Variants in ING5 observed in about 807,000 individuals in gnomAD.
The protein encoded by ING5 is inhibitor of growth protein 5.
In ING5, 17 loss-of-function variants were observed where a neutral mutation model predicts 37.4. That is an observed-to-expected ratio of 0.45 (90% confidence interval 0.31 to 0.68). ING5 has a LOEUF of 0.68. ING5 is among the 30% of genes least tolerant of loss of function. The pLI, the probability that ING5 is intolerant of heterozygous loss-of-function variation, is 0.05. For missense variants in ING5, 233 were observed against 311.9 expected (o/e 0.75, Z 1.91); for synonymous variants, 123 against 116.6 (o/e 1.06, Z -0.36).
At chr2:241,724,009 CAAATA>C in intron 7 of ING5, 1 of 1,359,302 alleles carries the variant, frequency 7.4e-7, no homozygotes, top group Non-Finnish European at 9.6e-7. Context: ...GACCCTGTCT[CAAATA>C]AATAAATAAA....
At chr2:241,711,614 T>C (rs1009100316) in intron 4 of ING5, 126 bp downstream of exon 4, 2 of 744,080 alleles carry the variant, frequency 2.7e-6, no homozygotes, top group Non-Finnish European at 4.3e-6. Flanking sequence ...AAACCTTGTC[T>C]TGCAGGCTGG....
At chr2:241,689,068 T>A (rs1014035695) in intron 1 of ING5, among the ~76,000 whole-genome samples, 15 of 152,254 alleles carry the variant, frequency 9.9e-5, no homozygotes, top group African/African-American at 3.4e-4. Flanking sequence ...CCCAAAGTGC[T>A]GAGATTACAG....
intron 2 of ING5, among the ~76,000 whole-genome samples, chr2:241,695,338 G>A (rs1036196463): frequency 6.6e-6 from 1 of 151,970 alleles, no homozygotes; most frequent in African/African-American, 2.4e-5. Context: ...CTGTCACACT[G>A]GACAGGACAG....
rs576359707 is a variant in ING5, at chr2:241,713,392, A to T, written c.482+1321A>T. Reference sequence around the variant, plus strand: ...GTTTTTTTTTTTTTTTTTTTTTGAGATGGAGTCTTGCTCTGTCCCTCAGGC... The same window carrying T: ...GTTTTTTTTTTTTTTTTTTTTTGAGTTGGAGTCTTGCTCTGTCCCTCAGGC... On this transcript the variant is annotated intron_variant, in intron 5 of 7. Transcript: ENST00000313552. Among the ~76,000 whole-genome samples the T allele has an allele frequency of 1.9e-4, 16 of 83,626 alleles. No individual in the cohort carries two copies. In the South Asian group the frequency reaches 4.9e-3, roughly 26 times the overall value. 54.9% of individuals were successfully genotyped at this position (83,626 alleles called of 152,430 possible). A position where few individuals can be genotyped will look rare whatever the true frequency, so the allele number is the denominator to read the frequency against.
intron 2 of ING5, among the ~76,000 whole-genome samples, chr2:241,696,674 A>G (rs2069634592): frequency 6.6e-6 from 1 of 152,012 alleles, no homozygotes; most frequent in Non-Finnish European, 1.5e-5. Flanking sequence ...GTAGTCCCAG[A>G]TATTGAGGGC....
intron 1 of ING5, among the ~76,000 whole-genome samples, 193 bp downstream of exon 1, chr2:241,702,295 G>T (rs1047673056): frequency 6.7e-6 from 1 of 149,142 alleles, no homozygotes; most frequent in South Asian, 2.1e-4. Context: ...GGGCGGGCGC[G>T]GGGGGTCCCG....
intron 2 of ING5, 131 bp downstream of exon 2, chr2:241,704,855 G>T: frequency 1.4e-6 from 1 of 731,486 alleles, no homozygotes; most frequent in Non-Finnish European, 2.5e-6. Flanking sequence ...CCTGGGCCGT[G>T]GGTATCACTC....
At chr2:241,689,762 A>G (rs926976191) in intron 1 of ING5, 1 of 152,250 alleles carries the variant, frequency 6.6e-6, no homozygotes, top group Admixed American at 6.5e-5. Context: ...ATTCCCTTAC[A>G]TAGATAAGTA....
upstream of ING5, among the ~76,000 whole-genome samples, chr2:241,701,269 A>G (rs1048622203): frequency 2.0e-5 from 3 of 152,184 alleles, no homozygotes; most frequent in Admixed American, 2.0e-4. Context: ...GGCCTTCTCC[A>G]GTATTTTTGC....
At chr2:241,721,575 G>T in intron 5 of ING5, 1 of 985,438 alleles carries the variant, frequency 1.0e-6, no homozygotes, top group Non-Finnish European at 1.2e-6. Flanking sequence ...TTCCCTCTGG[G>T]ACCCAGACTT....
At chr2:241,687,263 C>T in exon 1 of ING5, 1 of 398,106 alleles carries the variant, frequency 2.5e-6, no homozygotes. Context: ...GCTCCGGTCA[C>T]GCGGCGCGCG....
chr2:241,700,515 G>T (rs575687648), upstream of ING5, among the ~76,000 whole-genome samples: 1 of 151,686 alleles, frequency 6.6e-6, no homozygotes, highest in East Asian at 1.9e-4. Flanking sequence ...GAGTGCAGTG[G>T]TGCAATCTCG....
intron 2 of ING5, among the ~76,000 whole-genome samples, chr2:241,705,794 G>A (rs1431175844): frequency 1.3e-5 from 2 of 152,126 alleles, no homozygotes; most frequent in East Asian, 3.8e-4. Flanking sequence ...AGACGTATAT[G>A]GCACAGGCAG....
At chr2:241,722,554 T>C (rs1243048639) in intron 5 of ING5, 3 of 985,332 alleles carry the variant, frequency 3.0e-6, no homozygotes, top group Non-Finnish European at 3.6e-6. Flanking sequence ...CTGTTCTTTC[T>C]AGCATCAGCT....
At chr2:241,717,271 A>G (rs1345976917) in intron 5 of ING5, among the ~76,000 whole-genome samples, 1 of 152,040 alleles carries the variant, frequency 6.6e-6, no homozygotes, top group Non-Finnish European at 1.5e-5. Flanking sequence ...GGGTTTTGCC[A>G]TGTTGGCCAG....
chr2:241,705,639 C>G (rs1039345790), intron 2 of ING5, among the ~76,000 whole-genome samples: 2 of 152,078 alleles, frequency 1.3e-5, no homozygotes, highest in Non-Finnish European at 2.9e-5. Flanking sequence ...ATCTACTGAC[C>G]TCATGATCCG....
chr2:241,693,671 T>C (rs2069590835), intron 2 of ING5, among the ~76,000 whole-genome samples: 1 of 144,970 alleles, frequency 6.9e-6, no homozygotes, highest in African/African-American at 2.6e-5. Flanking sequence ...TTTTTTTTTT[T>C]TTTTGAGACT....
chr2:241,688,863 A>G (rs1038908692), intron 1 of ING5, among the ~76,000 whole-genome samples: 3 of 151,862 alleles, frequency 2.0e-5, no homozygotes, highest in East Asian at 2.0e-4. Context: ...CAGTGGCGCA[A>G]TCTTGGCTCA....
chr2:241,711,616 G>A, intron 4 of ING5, 128 bp downstream of exon 4: 1 of 730,296 alleles, frequency 1.4e-6, no homozygotes, highest in Non-Finnish European at 2.2e-6. Context: ...ACCTTGTCTT[G>A]CAGGCTGGGT....
Sources: gnomAD v4.1 joint callset for allele counts (sites outside exome capture counted in the v4.1 genomes callset) on GRCh38, gnomAD v4.1.1 for gene constraint, MANE v1.5 for transcripts, NCBI Gene and HGNC (gene_info 2026-07-23, HGNC 2026-07-21) for gene names.